MTHFD2: variants seen among roughly 807,000 people sequenced by gnomAD.
The protein encoded by MTHFD2 is methylenetetrahydrofolate dehydrogenase (NADP+ dependent) 2, methenyltetrahydrofolate cyclohydrolase.
MTHFD2 carries 26 observed loss-of-function variants against 36.8 expected under a neutral mutation model. That is an observed-to-expected ratio of 0.71 (90% CI 0.52 to 0.98). The LOEUF is 0.98. Among genes scored for constraint, MTHFD2 ranks in the 50% least tolerant of loss-of-function variants. The pLI is 0.00. For synonymous variants in MTHFD2, 164 were observed against 155.2 expected, an observed-to-expected ratio of 1.06 and a Z score of -0.42; for missense variants, 373 against 434.0, an observed-to-expected ratio of 0.86 and a Z score of 1.25.
chr2:74,212,895 C>A (rs140710681), intron 7 of MTHFD2, among the ~76,000 whole-genome samples: 102 of 143,604 alleles, frequency 7.1e-4, no homozygotes, highest in African/African-American at 2.6e-3. Context: ...TAGTAGATTT[C>A]TTCTTTCAGT....
Position 74,205,995 on chromosome 2 carries a change from A to AG in MTHFD2, c.286+108dup. On this transcript the variant is annotated intron_variant, in intron 2 of 7. Coordinates refer to ENST00000394053, the MANE Select transcript of MTHFD2 (RefSeq NM_006636.4). ...TTTTCTGATTAGGAAACCCAAGCAG[A>AG]GGAGGCTAATGTGATTGAACTGTAT... 2.4e-6 allele frequency: 3 copies of AG among 1,230,756 alleles called. No homozygotes were observed. In the South Asian group the frequency reaches 4.3e-5, roughly 18 times the overall value. The allele number at this position is 1,230,756 out of a possible 1,614,324, so 76.2% of individuals were successfully genotyped here.
chr2:74,209,890 GTT>G lies in MTHFD2; in HGVS notation c.563-49_563-48del. 2.6e-6 allele frequency: 4 copies of G among 1,509,788 alleles called. No homozygotes were observed. In the South Asian group the frequency reaches 4.9e-5, roughly 19 times the overall value. The allele number at this position is 1,509,788 out of a possible 1,614,324, so 93.5% of individuals were successfully genotyped here. A position where few individuals can be genotyped will look rare whatever the true frequency, so the allele number is the denominator to read the frequency against. On this transcript the variant is annotated intron_variant, in intron 4 of 7. Transcript: ENST00000394053. ...TTCATGTTCTAGGCCATCTGACTTT[GTT>G]TTCCTTTGGACTGGCACTACTTTTA...
At position 74,198,625 on chromosome 2, in the gene MTHFD2, A is replaced by G. The variant is rs781050953; in HGVS notation, c.-17A>G. ...CGCGCGCGCGCTTCCCTCCCGGCGC[A>G]GTCACCGGCGCGGTCTATGGCTGCG... On this transcript the variant is annotated 5_prime_UTR_variant, in exon 1 of 8. Coordinates refer to ENST00000394053, the MANE Select transcript of MTHFD2 (RefSeq NM_006636.4). 20 of 1,588,528 alleles carry G rather than the reference A, an allele frequency of 1.3e-5. No individual in the cohort carries two copies. The highest frequency in any genetic ancestry group is 1.7e-5 in the Non-Finnish European group (20 of 1,167,204).
intron 7 of MTHFD2, among the ~76,000 whole-genome samples, chr2:74,212,241 CT>C (rs1178782683): frequency 7.6e-6 from 1 of 132,386 alleles, no homozygotes; most frequent in African/African-American, 2.9e-5. Context: ...CCCCCCACCC[CT>C]TTCTTCCTTC....
intron 7 of MTHFD2, among the ~76,000 whole-genome samples, chr2:74,213,746 C>T (rs1201399266): frequency 6.6e-6 from 1 of 152,014 alleles, no homozygotes. Flanking sequence ...ACAAATTATA[C>T]TTAAAATTAA....
chr2:74,210,786 T>TTTTTTTTTTTTTG (rs1694285607), intron 5 of MTHFD2, among the ~76,000 whole-genome samples: 1 of 34,114 alleles, frequency 2.9e-5, no homozygotes, highest in Non-Finnish European at 5.7e-5. Context: ...ATTAAGTCAG[T>TTTTTTTTTTTTTG]TTTTTTTTTT....
rs551183745 is a variant in MTHFD2 at position 74,205,967 on chromosome 2, C to A, written c.286+78C>A. 70 of 1,465,578 alleles carry A rather than the reference C, an allele frequency of 4.8e-5. No individual in the cohort carries two copies. In the East Asian group the frequency reaches 9.4e-4, roughly 20 times the overall value. 90.8% of individuals were successfully genotyped at this position (1,465,578 alleles called of 1,614,324 possible). On this transcript the variant is annotated intron_variant, in intron 2 of 7. Coordinates refer to ENST00000394053, the MANE Select transcript of MTHFD2 (RefSeq NM_006636.4). ...CAAAGTCCATTCTAATTTATGATTT[C>A]TTTTTTCTGATTAGGAAACCCAAGC...
Position 74,205,750 on chromosome 2 carries a change from C to G in MTHFD2, c.147C>G (p.Ile49Met). The change falls in exon 2 of 8, where the codon ATC (isoleucine) becomes ATG (methionine). Residue 49 changes from isoleucine to methionine, a missense_variant. By Grantham distance (10) the Ile-to-Met change is conservative. Transcript: ENST00000394053. ...CTGGAAGGAAACTGGCCCAGCAGAT[C>G]AAGCAGGAAGTGCGGCAGGAGGTAG... Reference protein sequence around the residue: ...VISGRKLAQQIKQEVRQEVEE... With the variant: ...VISGRKLAQQMKQEVRQEVEE... The G allele has an allele frequency of 6.2e-7, 1 of 1,613,702 alleles. No individual in the cohort carries two copies. Among genetic ancestry groups the G allele is most frequent in the Non-Finnish European group, 8.5e-7 (1 of 1,179,978 alleles).
rs1398564713 is a variant in MTHFD2 at position 74,214,081 on chromosome 2, G to A, written c.892G>A (p.Val298Ile). Residue 298 changes from valine to isoleucine, a missense_variant and splice_region_variant, in exon 8 of 8, where the codon GTC becomes ATC. Coordinates refer to ENST00000394053, the MANE Select transcript of MTHFD2 (RefSeq NM_006636.4). ...KLVGDVDFEG[V>I]RQKAGYITPV... ...CTGCCTGTCTTGTTTCTATGTAGGAGTCAGACAAAAAGCTGGGTATATCAC... is the reference window on the plus strand; with the variant it reads ...CTGCCTGTCTTGTTTCTATGTAGGAATCAGACAAAAAGCTGGGTATATCAC... The A allele has an allele frequency of 2.5e-6, 4 of 1,613,554 alleles. No homozygotes were observed. The highest frequency in any genetic ancestry group is 3.4e-6 in the Non-Finnish European group (4 of 1,179,722).
chr2:74,208,820 T>TG, intron 4 of MTHFD2, 99 bp downstream of exon 4: 1 of 1,245,648 alleles, frequency 8.0e-7, no homozygotes, highest in Non-Finnish European at 1.1e-6. Flanking sequence ...GAAACCCTAC[T>TG]GCATATCCTC....
intron 1 of MTHFD2, among the ~76,000 whole-genome samples, chr2:74,204,509 G>T (rs2103813728): frequency 6.6e-6 from 1 of 152,268 alleles, no homozygotes; most frequent in South Asian, 2.1e-4. Context: ...TTTGTTCTGT[G>T]GTTCTAGTTT....
At chr2:74,203,510 A>T (rs992436376) in intron 1 of MTHFD2, among the ~76,000 whole-genome samples, 3 of 152,168 alleles carry the variant, frequency 2.0e-5, no homozygotes, top group Admixed American at 2.0e-4. Flanking sequence ...GGCCGGGTGC[A>T]GTGGTGGGTG....
At chr2:74,202,282 A>G (rs1042715895) in intron 1 of MTHFD2, among the ~76,000 whole-genome samples, 2 of 152,260 alleles carry the variant, frequency 1.3e-5, no homozygotes, top group East Asian at 3.9e-4. Flanking sequence ...AACCAAGAGA[A>G]AAGAGTAAGA....
chr2:74,212,656 G>C (rs1694334351), intron 7 of MTHFD2, among the ~76,000 whole-genome samples: 1 of 152,180 alleles, frequency 6.6e-6, no homozygotes. Flanking sequence ...TAGTGATGGA[G>C]AGCAGTTATA....
chr2:74,199,379 A>AT (rs1693988808), intron 1 of MTHFD2, among the ~76,000 whole-genome samples: 1 of 152,196 alleles, frequency 6.6e-6, no homozygotes, highest in African/African-American at 2.4e-5. Context: ...GGCTGCGTAC[A>AT]TAGAGGTGGC....
intron 3 of MTHFD2, 58 bp downstream of exon 3, chr2:74,207,884 C>A (rs1694218340): frequency 6.7e-7 from 1 of 1,496,634 alleles, no homozygotes. Flanking sequence ...TTCCCTCTCC[C>A]TCCCTCTCTC....
At chr2:74,213,293 T>TTC (rs1459237301) in intron 7 of MTHFD2, among the ~76,000 whole-genome samples, 4 of 146,444 alleles carry the variant, frequency 2.7e-5, no homozygotes, top group Non-Finnish European at 4.5e-5. Flanking sequence ...TTTTTTTTTT[T>TTC]TGAGACAGGA....
chr2:74,199,236 GCTCGGGGTCCCCGCGCCGCCCTC>G (rs1170417348), intron 1 of MTHFD2, among the ~76,000 whole-genome samples: 8 of 152,174 alleles, frequency 5.3e-5, no homozygotes, highest in Non-Finnish European at 1.2e-4. Flanking sequence ...GAGCCGACTT[GCTCGGGGTCCCCGCGCCGCCCTC>G]CTCCCTCCGC....
intron 1 of MTHFD2, among the ~76,000 whole-genome samples, chr2:74,205,124 A>G (rs1249333061): frequency 6.6e-6 from 1 of 152,128 alleles, no homozygotes; most frequent in Non-Finnish European, 1.5e-5. Context: ...TGCCCGGCCT[A>G]TATTGTTTGT....
Sources: gnomAD v4.1 joint callset for allele counts (sites outside exome capture counted in the v4.1 genomes callset) on GRCh38, gnomAD v4.1.1 for gene constraint, MANE v1.5 for transcripts, NCBI Gene and HGNC (gene_info 2026-07-23, HGNC 2026-07-21) for gene names.